SETBP1: variants seen among roughly 807,000 people sequenced by gnomAD.
The protein encoded by SETBP1 is SET-binding protein.
In SETBP1, 9 loss-of-function variants were observed where a neutral mutation model predicts 101.0. That is an observed-to-expected ratio of 0.09 (90% CI 0.05 to 0.16). SETBP1 has a LOEUF of 0.16. SETBP1 is among the 10% of genes least tolerant of loss of function. The probability of loss-of-function intolerance (pLI) is 1.00; values close to 1 mark genes in which losing one functional copy is unlikely to be tolerated. For synonymous variants in SETBP1, 818 were observed against 788.5 expected, an observed-to-expected ratio of 1.04 and a Z score of -0.63; for missense variants, 1,858 against 2,033.8, an observed-to-expected ratio of 0.91 and a Z score of 1.66.
chr18:44,888,068 A>G (rs915228808), intron 3 of SETBP1, among the ~76,000 whole-genome samples: 3 of 152,132 alleles, frequency 2.0e-5, no homozygotes, highest in African/African-American at 7.2e-5. Flanking sequence ...GTCAATCTCC[A>G]TCCCAGATGA....
chr18:45,048,738 C>T (rs985174060), intron 5 of SETBP1, among the ~76,000 whole-genome samples: 1 of 150,300 alleles, frequency 6.7e-6, no homozygotes, highest in African/African-American at 2.5e-5. Flanking sequence ...TTTGGGAGGC[C>T]GAGGCGGGTG....
chr18:44,868,516 G>A (rs2069178665), intron 2 of SETBP1, among the ~76,000 whole-genome samples: 2 of 152,068 alleles, frequency 1.3e-5, no homozygotes, highest in South Asian at 4.1e-4. Context: ...CCAACATGGA[G>A]AGACCTCGTC....
intron 5 of SETBP1, among the ~76,000 whole-genome samples, chr18:45,040,140 A>T (rs2073480387): frequency 6.6e-6 from 1 of 152,114 alleles, no homozygotes; most frequent in African/African-American, 2.4e-5. Flanking sequence ...GCCATTTGAA[A>T]ACTCTTGCTC....
intron 2 of SETBP1, among the ~76,000 whole-genome samples, chr18:44,707,920 G>A (rs2069257707): frequency 6.6e-6 from 1 of 152,196 alleles, no homozygotes; most frequent in Non-Finnish European, 1.5e-5. Flanking sequence ...GAGCCTTTTG[G>A]TAACACAGTT....
chr18:44,823,552 G>A (rs1165000874), intron 2 of SETBP1, among the ~76,000 whole-genome samples: 1 of 152,216 alleles, frequency 6.6e-6, no homozygotes, highest in Non-Finnish European at 1.5e-5. Context: ...AGGCTTACGA[G>A]CTGCTGACTT....
chr18:44,784,068 C>A (rs912585313), intron 2 of SETBP1, among the ~76,000 whole-genome samples: 2 of 152,220 alleles, frequency 1.3e-5, no homozygotes, highest in Admixed American at 6.5e-5. Context: ...CTTTGTCTTC[C>A]GATCTGGAAG....
chr18:44,746,910 G>A (rs1029521192), intron 2 of SETBP1, among the ~76,000 whole-genome samples: 1 of 152,200 alleles, frequency 6.6e-6, no homozygotes. Flanking sequence ...CTGTCTTCAG[G>A]TAAAGGTGAG....
At position 45,038,078 on chromosome 18, in the gene SETBP1, C is replaced by T. The variant is rs573609726; in HGVS notation, c.4001-407C>T. 2.6e-5 allele frequency among the ~76,000 whole-genome samples: 4 copies of T among 152,254 alleles called. No individual in the cohort carries two copies. In the East Asian group the frequency reaches 7.7e-4, roughly 29 times the overall value. On this transcript the variant is annotated intron_variant, in intron 4 of 5. Transcript: ENST00000649279. ...TTTTCCTTCTCATTCAGTCTTCTTTCCCCAGCTGGATGAGATGAGAAGTCT... is the reference window on the plus strand; with the variant it reads ...TTTTCCTTCTCATTCAGTCTTCTTTTCCCAGCTGGATGAGATGAGAAGTCT...
intron 2 of SETBP1, among the ~76,000 whole-genome samples, chr18:44,724,456 A>G (rs17782556): frequency 0.2 from 30,325 of 152,142 alleles, 3,568 homozygotes; most frequent in Non-Finnish European, 0.26. Flanking sequence ...GGCTCTGAAG[A>G]CCAGAGATAG....
chr18:44,765,051 A>T (rs1461958165), intron 2 of SETBP1, among the ~76,000 whole-genome samples: 2 of 152,190 alleles, frequency 1.3e-5, no homozygotes, highest in Non-Finnish European at 2.9e-5. Flanking sequence ...CCCAGGATGA[A>T]CTTTGTTAAA....
chr18:44,735,003 C>T (rs960772209), intron 2 of SETBP1, among the ~76,000 whole-genome samples: 2 of 152,066 alleles, frequency 1.3e-5, no homozygotes, highest in African/African-American at 2.4e-5. Context: ...GTTTTGCTAT[C>T]CAGTAAGAAG....
intron 3 of SETBP1, among the ~76,000 whole-genome samples, chr18:44,931,975 C>A (rs192208504): frequency 7.2e-5 from 11 of 152,052 alleles, no homozygotes; most frequent in Non-Finnish European, 1.5e-4. Flanking sequence ...AATTTGATCC[C>A]GTCATTATGA....
chr18:44,773,300 C>T (rs1227180324), intron 2 of SETBP1, among the ~76,000 whole-genome samples: 1 of 152,134 alleles, frequency 6.6e-6, no homozygotes, highest in Admixed American at 6.5e-5. Context: ...CTTCCTGGAA[C>T]TGAGGGATGG....
chr18:44,716,245 G>T (rs536176034), intron 2 of SETBP1, among the ~76,000 whole-genome samples: 4 of 152,244 alleles, frequency 2.6e-5, no homozygotes, highest in East Asian at 1.9e-4. Flanking sequence ...GAGAGTCAGT[G>T]GTTGCAGCTG....
chr18:44,916,388 G>A (rs2070427914), intron 3 of SETBP1, among the ~76,000 whole-genome samples: 1 of 152,164 alleles, frequency 6.6e-6, no homozygotes, highest in African/African-American at 2.4e-5. Context: ...AGGTTCCTTG[G>A]AATTTTCCCA....
At chr18:45,023,944 T>C (rs2073117734) in intron 4 of SETBP1, among the ~76,000 whole-genome samples, 1 of 152,200 alleles carries the variant, frequency 6.6e-6, no homozygotes, top group South Asian at 2.1e-4. Context: ...AATACCTAGT[T>C]AAGTGACAAA....
At chr18:44,714,144 T>C (rs2069407891) in intron 2 of SETBP1, among the ~76,000 whole-genome samples, 1 of 152,226 alleles carries the variant, frequency 6.6e-6, no homozygotes, top group African/African-American at 2.4e-5. Flanking sequence ...TATCTTTTAA[T>C]GTAATATTCA....
chr18:45,038,591 T>C lies in SETBP1; in HGVS notation c.4107T>C (p.Ser1369=), dbSNP rs779350903. 1 of 1,614,134 alleles carries C rather than the reference T, an allele frequency of 6.2e-7. No homozygotes were observed. Among genetic ancestry groups the C allele is most frequent in the South Asian group, 1.1e-5 (1 of 91,076 alleles). Residue 1369 remains serine (S), a synonymous_variant, in exon 5 of 6, where the codon AGT becomes AGC. Transcript: ENST00000649279. ...GGAAGAAGCCAGCCGCAGTTGACAG[T>C]GTTACAATTCCACCAGCCCCAGTGT... ...MTRKKPAAVD[S]VTIPPAPVLS...
At chr18:44,692,971 G>A (rs1040226692) in intron 1 of SETBP1, among the ~76,000 whole-genome samples, 1 of 152,188 alleles carries the variant, frequency 6.6e-6, no homozygotes, top group Non-Finnish European at 1.5e-5. Flanking sequence ...CCACACAAGT[G>A]CAGAGTATAA....
Sources: allele counts gnomAD v4.1 joint callset (sites outside exome capture counted in the v4.1 genomes callset), GRCh38; gene constraint gnomAD v4.1.1; transcripts MANE v1.5; gene names NCBI Gene and HGNC (gene_info 2026-07-23, HGNC 2026-07-21).